The following HNRNPA2B1 variants were observed in gnomAD, a reference collection of about 807,000 sequenced individuals.
HNRNPA2B1 encodes heterogeneous nuclear ribonucleoprotein A2/B1.
A neutral mutation model predicts 46.3 loss-of-function variants in HNRNPA2B1; 3 were observed. That is an observed-to-expected ratio of 0.06 (90% CI 0.03 to 0.17). The LOEUF is 0.17. Among genes scored for constraint, HNRNPA2B1 ranks in the 10% least tolerant of loss-of-function variants. The pLI is 1.00. For missense variants in HNRNPA2B1, 221 were observed against 418.9 expected (o/e 0.53, Z 4.12); for synonymous variants, 225 against 133.8 (o/e 1.68, Z -4.70).
At chr7:26,197,573 C>A in intron 2 of HNRNPA2B1, 49 bp downstream of exon 2, 1 of 1,563,242 alleles carries the variant, frequency 6.4e-7, no homozygotes, top group Non-Finnish European at 8.8e-7. Flanking sequence ...ATTCACTTAA[C>A]ATACAGCTAA....
Position 26,193,094 on chromosome 7 carries a change from T to A in HNRNPA2B1, c.964+157A>T, listed in dbSNP as rs540325959. Among the ~76,000 whole-genome samples, 6 of 152,302 alleles carry A rather than the reference T, an allele frequency of 3.9e-5. No individual in the cohort carries two copies. In the East Asian group the frequency reaches 1.2e-3, roughly 29 times the overall value. ...GTCATAACTGCTTGCTGAGTACTTC[T>A]GTGGAGATTTATGCAAAATTTCTTT... is the stretch of plus-strand genomic sequence containing the variant. On this transcript the variant is annotated intron_variant, in intron 9 of 10. Coordinates refer to ENST00000618183, the MANE Select transcript of HNRNPA2B1 (RefSeq NM_002137.4).
chr7:26,193,008 C>A (rs1783087060), intron 9 of HNRNPA2B1, among the ~76,000 whole-genome samples: 1 of 152,138 alleles, frequency 6.6e-6, no homozygotes, highest in Non-Finnish European at 1.5e-5. Flanking sequence ...GTTTATGAGT[C>A]CCCACCAGAA....
chr7:26,197,281 A>G (rs777949334), intron 3 of HNRNPA2B1, 34 bp downstream of exon 3: 38 of 1,564,760 alleles, frequency 2.4e-5, no homozygotes, highest in South Asian at 1.2e-5. Context: ...AGCGTTCTTC[A>G]TGTTAATGCA....
rs142703755 is a variant in HNRNPA2B1, at chr7:26,196,572, T to G, written c.562A>C (p.Arg188=). Residue 188 remains arginine, a synonymous_variant, in exon 5 of 11, where the codon AGG becomes CGG. Coordinates refer to ENST00000618183, the MANE Select transcript of HNRNPA2B1 (RefSeq NM_002137.4). ...TTAAAATTACCTCCTCTTCCACTCC[T>G]AGAACTCTGAACTTCCTGCATTTCT... ...RQEMQEVQSS[R]SGRGGNFGFG... 9.9e-6 allele frequency: 16 copies of G among 1,613,640 alleles called. No homozygotes were observed. In the African/African-American group the frequency reaches 1.9e-4, roughly 19 times the overall value.
rs778705482 is a variant in HNRNPA2B1, at chr7:26,195,925, A to G, written c.659-16T>C. The G allele has an allele frequency of 3.8e-6, 6 of 1,597,168 alleles. No homozygotes were observed. Among genetic ancestry groups the G allele is most frequent in the Non-Finnish European group, 5.1e-6 (6 of 1,175,616 alleles). On this transcript the variant is annotated splice_polypyrimidine_tract_variant and intron_variant, in intron 6 of 10. Transcript: ENST00000618183. ...CCATATCCATCTGTTAGGGGCCAAAAAAAGATTACGTTTACTATAAACTGT... is the reference window on the plus strand; with the variant it reads ...CCATATCCATCTGTTAGGGGCCAAAGAAAGATTACGTTTACTATAAACTGT...
At chr7:26,194,799 A>G in intron 7 of HNRNPA2B1, among the ~76,000 whole-genome samples, 1 of 116,890 alleles carries the variant, frequency 8.6e-6, no homozygotes, top group East Asian at 5.3e-4. Context: ...AAACAAAAAT[A>G]AAAAAAAAAA....
At chr7:26,193,100 G>T (rs1783097712) in intron 9 of HNRNPA2B1, 151 bp downstream of exon 9, 2 of 713,022 alleles carry the variant, frequency 2.8e-6, no homozygotes, top group Non-Finnish European at 4.5e-6. Context: ...CTTCTGTGGA[G>T]ATTTATGCAA....
chr7:26,192,408 G>GA, intron 10 of HNRNPA2B1, 70 bp from the exon 11 acceptor site: 1 of 878,368 alleles, frequency 1.1e-6, no homozygotes, highest in Non-Finnish European at 1.9e-6. Context: ...AGATTTTAAG[G>GA]AAAGATAACA....
chr7:26,192,467 A>G lies in HNRNPA2B1; in HGVS notation c.*21+28T>C, dbSNP rs1026712298. The G allele has an allele frequency of 4.2e-6, 6 of 1,440,260 alleles. No homozygotes were observed. The South Asian group carries it at 4.6e-5, about 11-fold the overall frequency. 89.2% of individuals were successfully genotyped at this position (1,440,260 alleles called of 1,614,324 possible). On this transcript the variant is annotated intron_variant, in intron 10 of 10. Transcript: ENST00000618183. Reference sequence around the variant, plus strand: ...TGCAGCTATGTCTCCCAAGATAATAATAATTGTAAAACTCAAAAGCTACTT... The same window carrying G: ...TGCAGCTATGTCTCCCAAGATAATAGTAATTGTAAAACTCAAAAGCTACTT...
At chr7:26,197,566 C>G (rs1423129908) in intron 2 of HNRNPA2B1, 56 bp downstream of exon 2, 1 of 1,553,822 alleles carries the variant, frequency 6.4e-7, no homozygotes, top group Non-Finnish European at 8.9e-7. Context: ...CTCCATGATT[C>G]ACTTAACATA....
At chr7:26,197,172 G>C (rs1783738820) in intron 3 of HNRNPA2B1, 143 bp downstream of exon 3, 2 of 1,194,216 alleles carry the variant, frequency 1.7e-6, no homozygotes, top group South Asian at 1.5e-5. Context: ...AAATAAGCTA[G>C]CTTAAGAAAA....
chr7:26,191,476 G>A lies in HNRNPA2B1; in HGVS notation c.*884C>T, dbSNP rs1782915033. On this transcript the variant is annotated 3_prime_UTR_variant, in exon 11 of 11. Transcript: ENST00000618183. ...ATTTTGCTCTACACCCTCAGCTTTC[G>A]TTGGCATCCTTATAAACTACTGTAG... 1 of 152,096 alleles carries A rather than the reference G, an allele frequency of 6.6e-6. No homozygotes were observed. The highest frequency in any genetic ancestry group is 6.5e-5 in the Admixed American group (1 of 15,274). The allele number at this position is 152,096 out of a possible 1,614,324, so 9.4% of individuals were successfully genotyped here.
intron 5 of HNRNPA2B1, 34 bp from the exon 6 acceptor site, chr7:26,196,515 T>C (rs1562713645): frequency 1.2e-6 from 2 of 1,613,034 alleles, no homozygotes; most frequent in Admixed American, 1.7e-5. Context: ...AGCAAGCCCT[T>C]ATATATGAAC....
chr7:26,192,915 G>C (rs758360623), intron 9 of HNRNPA2B1, among the ~76,000 whole-genome samples: 1 of 152,118 alleles, frequency 6.6e-6, no homozygotes, highest in Non-Finnish European at 1.5e-5. Flanking sequence ...GCAATGGTTT[G>C]AATCATGGTT....
chr7:26,195,726 CCCAAG>C (rs1783507516), intron 7 of HNRNPA2B1, 116 bp downstream of exon 7: 13 of 1,125,146 alleles, frequency 1.2e-5, no homozygotes, highest in Non-Finnish European at 1.6e-5. Context: ...ACCACTATCA[CCCAAG>C]CCATTTATAG....
rs1782905671 is a variant in HNRNPA2B1, at chr7:26,191,376, C to T, written c.*984G>A. The stretch of plus-strand genomic sequence containing the variant: ...AGACCATTTAAGAGTATTAGTTTAT[C>T]TTTTAGGGAGGAAAATTAAGAAAGG... On this transcript the variant is annotated 3_prime_UTR_variant, in exon 11 of 11. Coordinates refer to ENST00000618183, the MANE Select transcript of HNRNPA2B1 (RefSeq NM_002137.4). 4 of 152,024 alleles carry T rather than the reference C, an allele frequency of 2.6e-5. No individual in the cohort carries two copies. The highest frequency in any genetic ancestry group is 5.9e-5 in the Non-Finnish European group (4 of 67,942). 9.4% of individuals were successfully genotyped at this position (152,024 alleles called of 1,614,324 possible).
intron 9 of HNRNPA2B1, 43 bp from the exon 10 acceptor site, chr7:26,192,620 T>A (rs762862494): frequency 6.6e-7 from 1 of 1,514,200 alleles, no homozygotes; most frequent in East Asian, 2.2e-5. Flanking sequence ...CTTACTTTGA[T>A]TTCCCATGAT....
chr7:26,197,927 GT>G, intron 1 of HNRNPA2B1, 195 bp from the exon 2 acceptor site: 1 of 1,281,698 alleles, frequency 7.8e-7, no homozygotes, highest in Non-Finnish European at 1.1e-6. Context: ...CATATTAGTT[GT>G]GTTACACCAA....
At chr7:26,193,165 A>G in intron 9 of HNRNPA2B1, 86 bp downstream of exon 9, 1 of 1,334,512 alleles carries the variant, frequency 7.5e-7, no homozygotes, top group Non-Finnish European at 1.1e-6. Flanking sequence ...AGTACAAACT[A>G]CTTAGTATGT....
Sources: gnomAD v4.1 joint callset for allele counts (sites outside exome capture counted in the v4.1 genomes callset) on GRCh38, gnomAD v4.1.1 for gene constraint, MANE v1.5 for transcripts, NCBI Gene and HGNC (gene_info 2026-07-23, HGNC 2026-07-21) for gene names.